GLI2: variants seen among roughly 807,000 people sequenced by gnomAD.
GLI2 encodes GLI family zinc finger 2.
GLI2 carries 22 observed loss-of-function variants against 78.9 expected under a neutral mutation model. The observed-to-expected ratio is 0.28, with a 90% CI of 0.20 to 0.40. GLI2 has a LOEUF of 0.40. GLI2 is among the 10% of genes least tolerant of loss of function. The pLI is 1.00. For synonymous variants in GLI2, 974 were observed against 963.7 expected (o/e 1.01, Z -0.20); for missense variants, 2,097 against 2,213.2 (o/e 0.95, Z 1.05).
intron 8 of GLI2, among the ~76,000 whole-genome samples, chr2:120,974,734 C>T (rs918593973): frequency 1.3e-5 from 2 of 152,148 alleles, no homozygotes; most frequent in African/African-American, 4.8e-5. Flanking sequence ...ACAAGGAGAG[C>T]TGTGGGCGGG....
At chr2:120,978,898 G>A (rs1163032312) in intron 10 of GLI2, among the ~76,000 whole-genome samples, 1 of 152,272 alleles carries the variant, frequency 6.6e-6, no homozygotes, top group East Asian at 1.9e-4. Context: ...TTGGCTGGGT[G>A]ACGCTGGGAA....
intron 2 of GLI2, among the ~76,000 whole-genome samples, chr2:120,921,427 G>A (rs1679375006): frequency 6.6e-6 from 1 of 152,134 alleles, no homozygotes; most frequent in South Asian, 2.1e-4. Context: ...CCCTGGTCTG[G>A]GCCTGCTCAG....
chr2:120,805,406 C>G (rs201783211), intron 2 of GLI2, among the ~76,000 whole-genome samples: 1 of 152,234 alleles, frequency 6.6e-6, no homozygotes, highest in African/African-American at 2.4e-5. Flanking sequence ...GCCGGTGGCT[C>G]CTGCCCCTGT....
rs1263473440 is a variant in GLI2, at chr2:120,992,079, G to C, written c.*1404G>C. The stretch of plus-strand genomic sequence containing the variant: ...CAAACCTTTTCATGGGGAATGTGTG[G>C]CAACCTTGCCAAACAGCACCACTCA... On this transcript the variant is annotated 3_prime_UTR_variant, in exon 14 of 14. Coordinates refer to ENST00000361492, the MANE Select transcript of GLI2 (RefSeq NM_001374353.1). The C allele has an allele frequency of 1.3e-5, 2 of 150,172 alleles. No homozygotes were observed. The highest frequency in any genetic ancestry group is 2.9e-5 in the Non-Finnish European group (2 of 67,892). The allele number at this position is 150,172 out of a possible 1,614,324, so 9.3% of individuals were successfully genotyped here.
intron 5 of GLI2, among the ~76,000 whole-genome samples, chr2:120,967,266 G>A (rs966171050): frequency 7.9e-5 from 12 of 152,246 alleles, no homozygotes; most frequent in African/African-American, 2.7e-4. Context: ...AGCATTTACT[G>A]TGCCCTACCA....
At chr2:120,754,854 C>CT (rs61059541) in intron 1 of GLI2, among the ~76,000 whole-genome samples, 22,121 of 142,958 alleles carry the variant, frequency 0.15, 1,671 homozygotes, top group Middle Eastern at 0.22. Context: ...ACCATTTTTT[C>CT]TTTTTTTTTT....
At chr2:120,853,280 T>C (rs1687496455) in intron 2 of GLI2, among the ~76,000 whole-genome samples, 1 of 152,150 alleles carries the variant, frequency 6.6e-6, no homozygotes, top group African/African-American at 2.4e-5. Context: ...GGCATGGGGC[T>C]GCCAAGAGCA....
chr2:120,950,203 A>T (rs905799252), intron 3 of GLI2, among the ~76,000 whole-genome samples: 2 of 152,218 alleles, frequency 1.3e-5, no homozygotes, highest in Non-Finnish European at 1.5e-5. Context: ...TTACAGTGTG[A>T]TGTGGCTGGG....
At chr2:120,768,002 G>A (rs974311997) in intron 1 of GLI2, among the ~76,000 whole-genome samples, 1 of 152,194 alleles carries the variant, frequency 6.6e-6, no homozygotes, top group Admixed American at 6.5e-5. Context: ...ACTCCTCAGA[G>A]TTCAGTTCAT....
intron 4 of GLI2, 64 bp from the exon 5 acceptor site, chr2:120,955,181 T>TGG: frequency 1.9e-6 from 1 of 531,606 alleles, no homozygotes; most frequent in Non-Finnish European, 3.3e-6. Flanking sequence ...TTTTTTTTTT[T>TGG]GGCAGGAGAA....
intron 1 of GLI2, among the ~76,000 whole-genome samples, chr2:120,753,960 TACAA>T (rs1682963840): frequency 6.6e-6 from 1 of 152,114 alleles, no homozygotes; most frequent in South Asian, 2.1e-4. Context: ...TCTCACATGT[TACAA>T]ACATTTTTTT....
intron 2 of GLI2, among the ~76,000 whole-genome samples, chr2:120,892,084 A>T (rs879719096): frequency 2.0e-5 from 3 of 151,774 alleles, no homozygotes; most frequent in Non-Finnish European, 2.9e-5. Flanking sequence ...TTGACATCTG[A>T]TCAGGTGCTC....
intron 2 of GLI2, among the ~76,000 whole-genome samples, chr2:120,875,867 A>G (rs1254980313): frequency 6.6e-6 from 1 of 152,206 alleles, no homozygotes; most frequent in African/African-American, 2.4e-5. Flanking sequence ...AGTGATTAAA[A>G]CACAGTGTTG....
intron 2 of GLI2, among the ~76,000 whole-genome samples, chr2:120,884,946 G>A (rs149144767): frequency 2.0e-5 from 3 of 152,182 alleles, no homozygotes; most frequent in Non-Finnish European, 4.4e-5. Flanking sequence ...ATCATCAGCC[G>A]GCCTCACTCC....
At chr2:120,980,874 T>C (rs1310054256) in intron 10 of GLI2, among the ~76,000 whole-genome samples, 8 of 151,802 alleles carry the variant, frequency 5.3e-5, no homozygotes, top group African/African-American at 1.9e-4. Context: ...CTTTGATCCA[T>C]TTGGAGTTAA....
chr2:120,932,982 G>A lies in GLI2; in HGVS notation c.254+5516G>A, dbSNP rs372868342. Among the ~76,000 whole-genome samples, 9 of 152,226 alleles carry A rather than the reference G, an allele frequency of 5.9e-5. 1 individual carries two copies. The South Asian group carries it at 8.3e-4, about 14-fold the overall frequency. ...CCTCCTTTTGGCAACCAGGAGCAGC[G>A]GGGAGTGGTCAGATTTATTTTCAGG... On this transcript the variant is annotated intron_variant, in intron 3 of 13. Transcript: ENST00000361492.
chr2:120,807,853 C>G (rs569117453), intron 2 of GLI2, among the ~76,000 whole-genome samples: 10 of 152,188 alleles, frequency 6.6e-5, no homozygotes, highest in South Asian at 2.1e-4. Context: ...ACCACCCCCC[C>G]ACACACCTCC....
chr2:120,872,595 G>A (rs1003011338), intron 2 of GLI2, among the ~76,000 whole-genome samples: 6 of 152,246 alleles, frequency 3.9e-5, no homozygotes, highest in African/African-American at 1.4e-4. Context: ...AGTCCACAGG[G>A]AAGGCCACCT....
intron 2 of GLI2, 45 bp from the exon 3 acceptor site, chr2:120,927,315 GA>G: frequency 7.4e-7 from 1 of 1,346,936 alleles, no homozygotes; most frequent in Non-Finnish European, 1.1e-6. Flanking sequence ...CTTTTTGAGG[GA>G]GGGGGAAAGT....
Sources: allele counts gnomAD v4.1 joint callset (sites outside exome capture counted in the v4.1 genomes callset), GRCh38; gene constraint gnomAD v4.1.1; transcripts MANE v1.5; gene names NCBI Gene and HGNC (gene_info 2026-07-23, HGNC 2026-07-21).